The following AS3MT variants were observed in gnomAD, a reference collection of about 807,000 sequenced individuals.
AS3MT encodes arsenite methyltransferase.
In AS3MT, 47 loss-of-function variants were observed where a neutral mutation model predicts 45.3. The ratio of observed to expected loss-of-function variants is 1.04; its 90% CI spans 0.82 to 1.32. The LOEUF is 1.32. AS3MT is among the 40% of genes most tolerant of loss of function. AS3MT has a pLI of 0.00. For missense variants in AS3MT, 396 were observed against 451.1 expected (o/e 0.88, Z 1.11); for synonymous variants, 141 against 152.8 (o/e 0.92, Z 0.57).
At position 102,869,744 on chromosome 10, in the gene AS3MT, C is replaced by T. The variant is rs1057407882; in HGVS notation, c.2-61C>T. On this transcript the variant is annotated intron_variant, in intron 1 of 10. Transcript: ENST00000369880. ...CCCGCTGCCTGCCCTTTACTGGCCC[C>T]CTCCCTCATGCCCGTCCCTCAGCAC... 10 of 1,613,020 alleles carry T rather than the reference C, an allele frequency of 6.2e-6. No individual in the cohort carries two copies. The Admixed American group carries it at 1.2e-4, about 19-fold the overall frequency.
At chr10:102,888,875 A>T (rs1287070037) in intron 9 of AS3MT, among the ~76,000 whole-genome samples, 9,830 of 69,734 alleles carry the variant, frequency 0.14, 871 homozygotes, top group East Asian at 0.31. Flanking sequence ...ATATATATAT[A>T]TATATATTTT....
chr10:102,872,659 A>C lies in AS3MT; in HGVS notation c.321+61A>C, dbSNP rs932398439. 8.4e-6 allele frequency: 13 copies of C among 1,542,856 alleles called. No individual in the cohort carries two copies. In the African/African-American group the frequency reaches 1.7e-4, roughly 20 times the overall value. ...TCTCAAAAGCATTATTTGAAAAATA[A>C]AGTTGTTTTCTTCGTGGCTCTTCAA... On this transcript the variant is annotated intron_variant, in intron 4 of 10. Transcript: ENST00000369880.
At chr10:102,890,358 A>G (rs1274186468) in intron 9 of AS3MT, among the ~76,000 whole-genome samples, 186 bp from the exon 10 acceptor site, 2 of 151,962 alleles carry the variant, frequency 1.3e-5, no homozygotes, top group Admixed American at 6.6e-5. Context: ...TAGTAGTTCT[A>G]TTTTTAATTT....
intron 10 of AS3MT, among the ~76,000 whole-genome samples, chr10:102,892,995 A>C (rs1217437161): frequency 7.0e-6 from 1 of 143,718 alleles, no homozygotes; most frequent in Non-Finnish European, 1.5e-5. Flanking sequence ...AAAATAAATA[A>C]ATAAATAAAT....
chr10:102,888,871 ATATATATATATT>A (rs1487032099), intron 9 of AS3MT, among the ~76,000 whole-genome samples: 395 of 69,588 alleles, frequency 5.7e-3, no homozygotes, highest in African/African-American at 0.018. Flanking sequence ...ATATATATAT[ATATATATATATT>A]TTTTTTTTTT....
intron 10 of AS3MT, among the ~76,000 whole-genome samples, chr10:102,899,669 CTTT>C (rs538296715): frequency 7.4e-6 from 1 of 135,204 alleles, no homozygotes. Flanking sequence ...CATGTTCATG[CTTT>C]TTTTTTTTTT....
intron 3 of AS3MT, among the ~76,000 whole-genome samples, chr10:102,871,209 A>G (rs923778229): frequency 6.6e-6 from 1 of 151,900 alleles, no homozygotes; most frequent in African/African-American, 2.4e-5. Flanking sequence ...GTGCCACTGC[A>G]CTCCAGCCTG....
At chr10:102,871,453 AGGAGAACGGCGTGAACCCGGGAGGCG>A (rs1844681839) in intron 3 of AS3MT, among the ~76,000 whole-genome samples, 1 of 146,566 alleles carries the variant, frequency 6.8e-6, no homozygotes, top group Non-Finnish European at 1.5e-5. Flanking sequence ...AGGCTGAGGC[AGGAGAACGGCGTGAACCCGGGAGGCG>A]GAGCTTGCAG....
At chr10:102,885,820 C>T (rs1307316112) in intron 9 of AS3MT, among the ~76,000 whole-genome samples, 4 of 55,834 alleles carry the variant, frequency 7.2e-5, no homozygotes, top group East Asian at 8.9e-4. Context: ...TGAGCCACCG[C>T]GCCCGGCCCA....
intron 6 of AS3MT, among the ~76,000 whole-genome samples, chr10:102,876,347 C>A (rs61046573): frequency 1 from 151,188 of 151,192 alleles, 75,592 homozygotes; most frequent in Middle Eastern, 1. Context: ...TTAGAGGGGT[C>A]CAGATAGTGA....
In AS3MT at chr10:102,881,049, T is replaced by C. The variant is rs997053749; in HGVS notation, c.885+2058T>C. Among the ~76,000 whole-genome samples, 1 of 152,232 alleles carries C rather than the reference T, an allele frequency of 6.6e-6. No homozygotes were observed. Among genetic ancestry groups the C allele is most frequent in the East Asian group, 1.9e-4 (1 of 5,200 alleles). On this transcript the variant is annotated intron_variant, in intron 9 of 10. Coordinates refer to ENST00000369880, the MANE Select transcript of AS3MT (RefSeq NM_020682.4). This position sits in a 1 kb window ranked among gnomAD's most constrained non-coding sequence, Gnocchi z 4.2. ...GTATTTTGGAATTTTATTTATGTTC[T>C]ACTTATTTATTCATGTATTCTGCTT...
intron 10 of AS3MT, among the ~76,000 whole-genome samples, chr10:102,893,555 G>A (rs895681534): frequency 8.7e-5 from 13 of 148,948 alleles, no homozygotes; most frequent in African/African-American, 3.2e-4. Context: ...GAGTGCAGTG[G>A]TGCGACCTCG....
rs896840873 is a variant in AS3MT at position 102,878,454 on chromosome 10, G to A, written c.686G>A (p.Arg229His). 7.4e-6 allele frequency: 12 copies of A among 1,613,886 alleles called. No homozygotes were observed. The highest frequency in any genetic ancestry group is 6.7e-5 in the Admixed American group (4 of 59,976). ...LAQKIGFCPPRLVTANLITIQ... is the reference protein window; with the variant it reads ...LAQKIGFCPPHLVTANLITIQ... ...CAAAAAATTGGGTTCTGCCCTCCAC[G>A]TTTGGTCACTGCCAATCTCATTACA... Residue 229 changes from arginine to histidine, a missense_variant, in exon 8 of 11, where the codon CGT becomes CAT. Arg to His is a conservative substitution (Grantham distance 29). Coordinates refer to ENST00000369880, the MANE Select transcript of AS3MT (RefSeq NM_020682.4).
rs1845013989 is a variant in AS3MT at position 102,889,016 on chromosome 10, G to A, written c.886-1528G>A. Among the ~76,000 whole-genome samples, 3 of 150,614 alleles carry A rather than the reference G, an allele frequency of 2.0e-5. No homozygotes were observed. In the South Asian group the frequency reaches 6.3e-4, roughly 32 times the overall value. On this transcript the variant is annotated intron_variant, in intron 9 of 10. Transcript: ENST00000369880. ...TGCCATTCTCCTGCCTCAGCGCCCC[G>A]AGTAGCTGGGACTACAGGTGCCTGC...
chr10:102,878,574 T>G (rs539971399), intron 8 of AS3MT, 64 bp downstream of exon 8: 212 of 1,578,336 alleles, frequency 1.3e-4, no homozygotes, highest in Non-Finnish European at 1.7e-4. Flanking sequence ...ATGTGGTGAT[T>G]AGTAAGTAAC....
chr10:102,888,879 A>ATTTTT (rs1476114789), intron 9 of AS3MT, among the ~76,000 whole-genome samples: 5 of 45,208 alleles, frequency 1.1e-4, no homozygotes, highest in Non-Finnish European at 1.8e-4. Flanking sequence ...ATATATATAT[A>ATTTTT]TATTTTTTTT....
intron 2 of AS3MT, 74 bp downstream of exon 2, chr10:102,869,919 TC>T (rs977540375): frequency 1.4e-4 from 231 of 1,594,420 alleles, no homozygotes; most frequent in Non-Finnish European, 1.9e-4. Context: ...CCGCACCCTG[TC>T]CCCCGGGACT....
At chr10:102,876,778 T>G (rs1844790638) in intron 6 of AS3MT, among the ~76,000 whole-genome samples, 176 bp from the exon 7 acceptor site, 1 of 152,198 alleles carries the variant, frequency 6.6e-6, no homozygotes, top group Non-Finnish European at 1.5e-5. Context: ...AAAAAAACCT[T>G]GGCACTTGAC....
chr10:102,891,318 T>C (rs756797564), intron 10 of AS3MT, among the ~76,000 whole-genome samples: 1 of 152,214 alleles, frequency 6.6e-6, no homozygotes, highest in Non-Finnish European at 1.5e-5. Flanking sequence ...AGCCCTCTCC[T>C]GCCCTGCTCA....
Sources: gnomAD v4.1 joint callset for allele counts (sites outside exome capture counted in the v4.1 genomes callset) on GRCh38, gnomAD v4.1.1 for gene constraint, Gnocchi (gnomAD v3.1) non-coding constraint, MANE v1.5 for transcripts, NCBI Gene and HGNC (gene_info 2026-07-23, HGNC 2026-07-21) for gene names.